The following SRGAP1 variants were observed in gnomAD, a reference collection of about 807,000 sequenced individuals.
The protein encoded by SRGAP1 is SLIT-ROBO Rho GTPase-activating protein 1.
Under a neutral mutation model 121.9 loss-of-function variants are expected in SRGAP1, and 43 were observed. That is an observed-to-expected ratio of 0.35 (90% CI 0.28 to 0.46). The LOEUF (loss-of-function observed/expected upper bound fraction) is 0.46. SRGAP1 is among the 20% of genes least tolerant of loss of function. The pLI is 1.00. For missense variants in SRGAP1, 1,102 were observed against 1,350.9 expected, an observed-to-expected ratio of 0.82 and a Z score of 2.89; for synonymous variants, 447 against 485.4, an observed-to-expected ratio of 0.92 and a Z score of 1.04.
chr12:64,070,698 C>T (rs1404400543), intron 8 of SRGAP1, among the ~76,000 whole-genome samples: 1 of 152,152 alleles, frequency 6.6e-6, no homozygotes, highest in Non-Finnish European at 1.5e-5. Context: ...ACATTACTTA[C>T]ACAAGATATT....
chr12:63,941,430 GTAA>G (rs1204777200), intron 1 of SRGAP1, among the ~76,000 whole-genome samples: 1 of 152,110 alleles, frequency 6.6e-6, no homozygotes, highest in African/African-American at 2.4e-5. Flanking sequence ...AGCTCAACTA[GTAA>G]TGTATCTCGA....
intron 1 of SRGAP1, among the ~76,000 whole-genome samples, chr12:63,968,706 T>G (rs1463059407): frequency 6.6e-6 from 1 of 152,188 alleles, no homozygotes; most frequent in Non-Finnish European, 1.5e-5. Flanking sequence ...TGTTGTGTCT[T>G]CAGGATAATC....
At chr12:64,056,368 C>T (rs903324462) in intron 6 of SRGAP1, among the ~76,000 whole-genome samples, 2 of 152,002 alleles carry the variant, frequency 1.3e-5, no homozygotes, top group Admixed American at 6.6e-5. Flanking sequence ...GCCTGGCCAA[C>T]ATAGCAAAAC....
rs2037076726 is a variant in SRGAP1 at position 64,147,766 on chromosome 12, CAGG to C, written c.*5095_*5097del. ...TGTACATTTTTGGCATGTACCATTA[CAGG>C]CTTCAGTATACAGTCAGGTTTGTTC... is the stretch of plus-strand genomic sequence containing the variant. On this transcript the variant is annotated 3_prime_UTR_variant, in exon 22 of 22. Transcript: ENST00000355086. 4 of 397,892 alleles carry C rather than the reference CAGG, an allele frequency of 1.0e-5. No individual in the cohort carries two copies. Among genetic ancestry groups the C allele is most frequent in the Admixed American group, 8.8e-5 (2 of 22,702 alleles). The allele number at this position is 397,892 out of a possible 1,614,324, so 24.6% of individuals were successfully genotyped here. A position where few individuals can be genotyped will look rare whatever the true frequency, so the allele number is the denominator to read the frequency against.
Position 63,948,657 on chromosome 12 carries a change from C to A in SRGAP1, c.68-35290C>A, listed in dbSNP as rs190621736. Among the ~76,000 whole-genome samples the A allele has an allele frequency of 3.2e-3, 490 of 151,700 alleles. 4 individuals are homozygous for A. Among genetic ancestry groups the A allele is most frequent in the Non-Finnish European group, 5.2e-3 (354 of 67,916 alleles). On this transcript the variant is annotated intron_variant, in intron 1 of 21. Coordinates refer to ENST00000355086, the MANE Select transcript of SRGAP1 (RefSeq NM_020762.4). Reference sequence around the variant, plus strand: ...CATGTTGTACCTATTTTTATATATTCATAGTTCCTTCCTGGTATAGTGCCT... The same window carrying A: ...CATGTTGTACCTATTTTTATATATTAATAGTTCCTTCCTGGTATAGTGCCT...
At position 63,989,976 on chromosome 12, in the gene SRGAP1, A is replaced by C. The variant is rs2033509951; in HGVS notation, c.330A>C (p.Glu110Asp). 6.2e-7 allele frequency: 1 copy of C among 1,613,812 alleles called. No homozygotes were observed. The highest frequency in any genetic ancestry group is 1.3e-5 in the African/African-American group (1 of 74,908). ...WYLLLNQVRRESKDHATLSDI... is the reference protein window; with the variant it reads ...WYLLLNQVRRDSKDHATLSDI... ...TGCTCCTGAACCAAGTAAGGAGAGA[A>C]AGCAAAGACCATGCAACCTTGAGTG... The change falls in exon 3 of 22, where the codon GAA (glutamate) becomes GAC (aspartate). Residue 110 changes from glutamate to aspartate, a missense_variant. Glu to Asp is a conservative substitution (Grantham distance 45). This residue lies in a region of SRGAP1 where 747 missense variants were observed against 929.4 expected (regional missense o/e 0.80). Coordinates refer to ENST00000355086, the MANE Select transcript of SRGAP1 (RefSeq NM_020762.4).
At chr12:64,125,807 T>C (rs1216380440) in intron 18 of SRGAP1, among the ~76,000 whole-genome samples, 170 bp from the exon 19 acceptor site, 3 of 152,196 alleles carry the variant, frequency 2.0e-5, no homozygotes, top group Non-Finnish European at 4.4e-5. Flanking sequence ...TTCTGTATCT[T>C]TTTAAACAGC....
chr12:64,131,373 G>A (rs1469162763), intron 21 of SRGAP1, among the ~76,000 whole-genome samples: 3 of 152,146 alleles, frequency 2.0e-5, no homozygotes, highest in Non-Finnish European at 4.4e-5. Flanking sequence ...TACAGTCCAC[G>A]AATCAGTGTA....
chr12:64,159,862 C>G lies in SRGAP1; in HGVS notation c.*17190C>G, dbSNP rs2037197236. 6.6e-6 allele frequency: 1 copy of G among 152,202 alleles called. No homozygotes were observed. The highest frequency in any genetic ancestry group is 2.4e-5 in the African/African-American group (1 of 41,452). 9.4% of individuals were successfully genotyped at this position (152,202 alleles called of 1,614,324 possible). Reference sequence around the variant, plus strand: ...AATAAACTACTGTTATATCAAGCTACTGACATTGAGAATTAGGTTGCATAG... The same window carrying G: ...AATAAACTACTGTTATATCAAGCTAGTGACATTGAGAATTAGGTTGCATAG... On this transcript the variant is annotated 3_prime_UTR_variant, in exon 22 of 22. Coordinates refer to ENST00000355086, the MANE Select transcript of SRGAP1 (RefSeq NM_020762.4).
intron 1 of SRGAP1, among the ~76,000 whole-genome samples, chr12:63,907,338 A>G (rs1314514143): frequency 6.6e-6 from 1 of 152,046 alleles, no homozygotes; most frequent in African/African-American, 2.4e-5. Context: ...GGAGTTCGAG[A>G]CCAGCTTGGC....
chr12:64,044,269 G>A (rs1365521343), intron 6 of SRGAP1, among the ~76,000 whole-genome samples: 2 of 152,092 alleles, frequency 1.3e-5, no homozygotes, highest in African/African-American at 4.8e-5. Context: ...CATGTACTGA[G>A]TAGCCCAGTA....
chr12:63,851,780 T>G (rs895002072), intron 1 of SRGAP1, among the ~76,000 whole-genome samples: 1 of 151,670 alleles, frequency 6.6e-6, no homozygotes, highest in African/African-American at 2.4e-5. Context: ...TTGGCCAGGC[T>G]GGTCTCGAAC....
intron 1 of SRGAP1, among the ~76,000 whole-genome samples, chr12:63,926,239 C>T (rs1371770747): frequency 6.6e-6 from 1 of 152,122 alleles, no homozygotes; most frequent in Non-Finnish European, 1.5e-5. Context: ...TAACAGCAAG[C>T]AAATGTGGAT....
At chr12:64,085,167 T>G (rs1290549018) in intron 10 of SRGAP1, among the ~76,000 whole-genome samples, 1 of 152,120 alleles carries the variant, frequency 6.6e-6, no homozygotes, top group African/African-American at 2.4e-5. Context: ...AGCGTGACCT[T>G]GGGCAAGTCA....
chr12:64,151,461 A>G lies in SRGAP1; in HGVS notation c.*8789A>G, dbSNP rs560080532. ...TATGTTGTGGTGAGCAGCTCTGTAT[A>G]TAATAATTAATTGTCTGTGTTTGGA... On this transcript the variant is annotated 3_prime_UTR_variant, in exon 22 of 22. Transcript: ENST00000355086. The G allele has an allele frequency of 6.6e-6, 1 of 152,080 alleles. No individual in the cohort carries two copies. The highest frequency in any genetic ancestry group is 2.1e-4 in the South Asian group (1 of 4,812). The allele number at this position is 152,080 out of a possible 1,614,324, so 9.4% of individuals were successfully genotyped here. A position where few individuals can be genotyped will look rare whatever the true frequency, so the allele number is the denominator to read the frequency against.
intron 1 of SRGAP1, among the ~76,000 whole-genome samples, chr12:63,905,647 A>C (rs776136928): frequency 6.6e-6 from 1 of 152,238 alleles, no homozygotes; most frequent in African/African-American, 2.4e-5. Context: ...AGTACTTGCT[A>C]TATGTAAGCC....
chr12:63,910,448 G>A (rs2030439017), intron 1 of SRGAP1, among the ~76,000 whole-genome samples: 1 of 152,052 alleles, frequency 6.6e-6, no homozygotes, highest in Non-Finnish European at 1.5e-5. Context: ...CCTTCCAACC[G>A]TACTTAACTA....
chr12:63,965,939 C>T (rs12303672), intron 1 of SRGAP1, among the ~76,000 whole-genome samples: 10,726 of 152,220 alleles, frequency 0.07, 954 homozygotes, highest in African/African-American at 0.21. Context: ...CTGCCTCAGC[C>T]TCCCAAGTAG....
At chr12:63,933,349 G>A (rs2031549378) in intron 1 of SRGAP1, among the ~76,000 whole-genome samples, 1 of 152,146 alleles carries the variant, frequency 6.6e-6, no homozygotes, top group Non-Finnish European at 1.5e-5. Context: ...GAATGCATGA[G>A]TAGAGGGATA....
Sources: allele counts gnomAD v4.1 joint callset (sites outside exome capture counted in the v4.1 genomes callset), GRCh38; gene constraint gnomAD v4.1.1; regional missense constraint gnomAD v4.1.1; transcripts MANE v1.5; gene names NCBI Gene and HGNC (gene_info 2026-07-23, HGNC 2026-07-21).